Variants in MTUS2 observed in about 807,000 individuals in gnomAD.
MTUS2 encodes the protein microtubule-associated tumor suppressor candidate 2.
In MTUS2, 40 loss-of-function variants were observed where a neutral mutation model predicts 114.1. The ratio of observed to expected loss-of-function variants is 0.35; its 90% CI spans 0.27 to 0.46. The LOEUF (loss-of-function observed/expected upper bound fraction) is 0.46, where lower values mean the gene tolerates loss of function less well. Ranked by LOEUF, MTUS2 falls within the 20% of genes least tolerant of loss-of-function variation. The probability of loss-of-function intolerance (pLI) is 1.00; values close to 1 mark genes in which losing one functional copy is unlikely to be tolerated. For synonymous variants in MTUS2, 688 were observed against 672.0 expected, an observed-to-expected ratio of 1.02 and a Z score of -0.37; for missense variants, 1,679 against 1,705.4, an observed-to-expected ratio of 0.98 and a Z score of 0.27.
chr13:29,273,623 G>A (rs1398553931), intron 5 of MTUS2, among the ~76,000 whole-genome samples: 1 of 152,046 alleles, frequency 6.6e-6, no homozygotes, highest in Non-Finnish European at 1.5e-5. Flanking sequence ...TATTCACAAG[G>A]TTATGCAATA....
At chr13:28,942,374 T>C (rs1882288870) in intron 2 of MTUS2, among the ~76,000 whole-genome samples, 1 of 152,230 alleles carries the variant, frequency 6.6e-6, no homozygotes, top group Non-Finnish European at 1.5e-5. Flanking sequence ...TCATACTCTA[T>C]TGATGGAATG....
chr13:29,010,767 C>T (rs999548089), intron 2 of MTUS2, among the ~76,000 whole-genome samples: 10 of 152,146 alleles, frequency 6.6e-5, no homozygotes, highest in African/African-American at 2.2e-4. Context: ...TCAGAACTGT[C>T]CTCACACTTT....
At chr13:28,940,087 A>C (rs1882143668) in intron 2 of MTUS2, among the ~76,000 whole-genome samples, 1 of 152,302 alleles carries the variant, frequency 6.6e-6, no homozygotes, top group South Asian at 2.1e-4. Flanking sequence ...CGGGAGCTAC[A>C]GTTCAAGATG....
At position 29,101,807 on chromosome 13, in the gene MTUS2, G is replaced by A. The variant is rs367734011; in HGVS notation, c.2644+837G>A. Reference sequence around the variant, plus strand: ...AAGTTGAATCAAGCTGGAATAATTCGAAAGAGAGAGAGAGAGATCGATTGA... The same window carrying A: ...AAGTTGAATCAAGCTGGAATAATTCAAAAGAGAGAGAGAGAGATCGATTGA... On this transcript the variant is annotated intron_variant, in intron 5 of 15. Transcript: ENST00000612955. Among the ~76,000 whole-genome samples the A allele has an allele frequency of 1.4e-4, 21 of 152,314 alleles. No individual in the cohort carries two copies. In the East Asian group the frequency reaches 3.1e-3, roughly 22 times the overall value.
intron 2 of MTUS2, among the ~76,000 whole-genome samples, chr13:28,874,145 G>A (rs1354219817): frequency 1.3e-5 from 2 of 152,066 alleles, no homozygotes; most frequent in East Asian, 3.9e-4. Flanking sequence ...AGCCTCCCAA[G>A]TAGCTGGGAT....
At chr13:29,306,778 A>G (rs1376071168) in intron 6 of MTUS2, 6 of 330,842 alleles carry the variant, frequency 1.8e-5, no homozygotes, top group East Asian at 6.8e-5. Context: ...CTGAGACATC[A>G]TGGTGAAGGT....
intron 4 of MTUS2, among the ~76,000 whole-genome samples, chr13:29,087,077 A>G (rs1889724636): frequency 6.6e-6 from 1 of 152,160 alleles, no homozygotes; most frequent in African/African-American, 2.4e-5. Context: ...CTCTCTTCCT[A>G]TTTGGATGCC....
At chr13:29,046,381 G>A (rs976447837) in intron 4 of MTUS2, among the ~76,000 whole-genome samples, 20 of 152,186 alleles carry the variant, frequency 1.3e-4, no homozygotes, top group Admixed American at 8.5e-4. Context: ...CTCTCAAAGC[G>A]TTGGGATCAC....
intron 8 of MTUS2, among the ~76,000 whole-genome samples, chr13:29,430,620 T>C (rs1187108413): frequency 6.6e-6 from 1 of 152,230 alleles, no homozygotes; most frequent in Non-Finnish European, 1.5e-5. Context: ...CCATTTGAAG[T>C]TTTATACATA....
intron 2 of MTUS2, among the ~76,000 whole-genome samples, chr13:28,915,165 T>C (rs974744346): frequency 6.6e-6 from 1 of 151,772 alleles, no homozygotes; most frequent in South Asian, 2.1e-4. Context: ...TCATTTTGTA[T>C]GTGTACCATA....
chr13:29,025,679 C>G lies in MTUS2; in HGVS notation c.981C>G (p.Ala327=). The part of the protein sequence containing the change: ...PRRVEQEGKA[A]QEGYLGCHKE... ...GAGTTGAACAGGAGGGAAAGGCAGC[C>G]CAGGAAGGGTATCTGGGATGCCACA... is the stretch of plus-strand genomic sequence containing the variant. The change falls in exon 3 of 16, where the codon GCC becomes GCG. Residue 327 remains alanine, a synonymous_variant. Coordinates refer to ENST00000612955, the MANE Select transcript of MTUS2 (RefSeq NM_001033602.4). 1 of 1,613,916 alleles carries G rather than the reference C, an allele frequency of 6.2e-7. No homozygotes were observed. Among genetic ancestry groups the G allele is most frequent in the Non-Finnish European group, 8.5e-7 (1 of 1,179,864 alleles).
intron 5 of MTUS2, among the ~76,000 whole-genome samples, chr13:29,187,335 A>G (rs891790409): frequency 1.3e-5 from 2 of 152,210 alleles, no homozygotes; most frequent in African/African-American, 4.8e-5. Flanking sequence ...GATCAACAAA[A>G]TTGACAAACT....
intron 7 of MTUS2, among the ~76,000 whole-genome samples, chr13:29,352,421 T>C (rs1301988693): frequency 6.6e-6 from 1 of 152,234 alleles, no homozygotes; most frequent in Non-Finnish European, 1.5e-5. Flanking sequence ...CAGCCAAATA[T>C]CCCCATGTCC....
chr13:29,257,043 G>T (rs191579168), intron 5 of MTUS2, among the ~76,000 whole-genome samples: 1 of 151,992 alleles, frequency 6.6e-6, no homozygotes, highest in South Asian at 2.1e-4. Flanking sequence ...ATTTGCTGTC[G>T]CCATCTCCCA....
intron 2 of MTUS2, among the ~76,000 whole-genome samples, chr13:28,904,154 A>G (rs1450494168): frequency 1.3e-5 from 2 of 151,988 alleles, no homozygotes; most frequent in African/African-American, 4.8e-5. Flanking sequence ...TAGATTCTGG[A>G]TATTAGCCCT....
At chr13:29,383,252 G>GTGTGTGTGTGTGTGTT (rs5802519) in intron 8 of MTUS2, among the ~76,000 whole-genome samples, 1 of 135,914 alleles carries the variant, frequency 7.4e-6, no homozygotes, top group Non-Finnish European at 1.6e-5. Flanking sequence ...GTGTGTGTGT[G>GTGTGTGTGTGTGTGTT]TATTTATTTT....
chr13:28,884,734 T>C (rs1365576446), intron 2 of MTUS2, among the ~76,000 whole-genome samples: 1 of 152,230 alleles, frequency 6.6e-6, no homozygotes, highest in Non-Finnish European at 1.5e-5. Context: ...GTGTTCTCAC[T>C]GGGAGAAGCT....
At chr13:29,346,692 G>A (rs1868729244) in intron 7 of MTUS2, among the ~76,000 whole-genome samples, 1 of 142,280 alleles carries the variant, frequency 7.0e-6, no homozygotes, top group Admixed American at 6.9e-5. Flanking sequence ...CTCTGTCCAG[G>A]AAACTGCACA....
rs536190385 is a variant in MTUS2 at position 29,256,854 on chromosome 13, G to A, written c.2645-24850G>A. On this transcript the variant is annotated intron_variant, in intron 5 of 15. Coordinates refer to ENST00000612955, the MANE Select transcript of MTUS2 (RefSeq NM_001033602.4). ...CGGGGCTCATTAGCATATCTCAACC[G>A]TTAAAACCTTATCCAAGCAGGTATT... Among the ~76,000 whole-genome samples the A allele has an allele frequency of 1.2e-4, 18 of 152,254 alleles. 1 individual carries two copies. Among genetic ancestry groups the A allele is most frequent in the African/African-American group, 3.4e-4 (14 of 41,560 alleles).
Sources: allele counts gnomAD v4.1 joint callset (sites outside exome capture counted in the v4.1 genomes callset), GRCh38; gene constraint gnomAD v4.1.1; transcripts MANE v1.5; gene names NCBI Gene and HGNC (gene_info 2026-07-23, HGNC 2026-07-21).